TBC1D19: variants seen among roughly 807,000 people sequenced by gnomAD.
TBC1D19 encodes TBC1 domain family, member 19.
A neutral mutation model predicts 89.0 loss-of-function variants in TBC1D19; 60 were observed. The observed-to-expected ratio is 0.67, with a 90% CI of 0.55 to 0.84. The LOEUF (loss-of-function observed/expected upper bound fraction) is 0.84, where lower values mean the gene tolerates loss of function less well. TBC1D19 is among the 40% of genes least tolerant of loss of function. TBC1D19 has a pLI of 0.00. For synonymous variants in TBC1D19, 189 were observed against 199.7 expected (o/e 0.95, Z 0.45); for missense variants, 500 against 610.8 (o/e 0.82, Z 1.91).
intron 14 of TBC1D19, among the ~76,000 whole-genome samples, 200 bp downstream of exon 14, chr4:26,718,217 A>G (rs1190909136): frequency 1.3e-5 from 2 of 152,092 alleles, no homozygotes; most frequent in Non-Finnish European, 2.9e-5. Flanking sequence ...TGGTTCCCAG[A>G]AGCAGCATTT....
the TBC1D19 span, among the ~76,000 whole-genome samples, chr4:26,849,931 T>C: frequency 6.6e-6 from 1 of 152,190 alleles, no homozygotes; most frequent in Non-Finnish European, 1.5e-5. Flanking sequence ...GGATTGTACT[T>C]AGATTACTAT....
At chr4:26,610,251 C>G (rs765582871) in intron 1 of TBC1D19, among the ~76,000 whole-genome samples, 3 of 151,834 alleles carry the variant, frequency 2.0e-5, no homozygotes, top group African/African-American at 4.8e-5. Context: ...GTTATAGATA[C>G]AAATCTATAA....
At chr4:26,642,722 G>A (rs1485710245) in intron 7 of TBC1D19, among the ~76,000 whole-genome samples, 3 of 152,142 alleles carry the variant, frequency 2.0e-5, no homozygotes, top group Non-Finnish European at 4.4e-5. Context: ...TCAAAATAAA[G>A]GGATGGAGGA....
the TBC1D19 span, among the ~76,000 whole-genome samples, chr4:26,841,636 A>C: frequency 6.6e-6 from 1 of 152,186 alleles, no homozygotes; most frequent in Non-Finnish European, 1.5e-5. Context: ...GGCATATGGA[A>C]CTTCCAAGTC....
chr4:26,752,468 A>G (rs948219830), intron 19 of TBC1D19, among the ~76,000 whole-genome samples: 1 of 151,578 alleles, frequency 6.6e-6, no homozygotes, highest in African/African-American at 2.4e-5. Flanking sequence ...CTGTTCTTCA[A>G]CTCCTGGGCT....
intron 4 of TBC1D19, among the ~76,000 whole-genome samples, chr4:26,621,284 C>A (rs1483841599): frequency 6.6e-6 from 1 of 152,130 alleles, no homozygotes; most frequent in African/African-American, 2.4e-5. Flanking sequence ...TTTTAACTGT[C>A]CTTCATCTCA....
chr4:26,838,714 G>A, the TBC1D19 span, among the ~76,000 whole-genome samples: 4 of 152,156 alleles, frequency 2.6e-5, no homozygotes, highest in African/African-American at 7.2e-5. Flanking sequence ...TGATTACTTC[G>A]CAAGGATTCC....
chr4:26,647,615 T>G (rs1744065190), intron 7 of TBC1D19, among the ~76,000 whole-genome samples: 1 of 152,168 alleles, frequency 6.6e-6, no homozygotes, highest in African/African-American at 2.4e-5. Context: ...TTCTACTTAT[T>G]AAATAAAAGC....
intron 17 of TBC1D19, 111 bp downstream of exon 17, chr4:26,740,084 T>A: frequency 1.8e-6 from 1 of 563,324 alleles, no homozygotes; most frequent in Middle Eastern, 2.9e-4. Flanking sequence ...TTTTAATTTG[T>A]GATGTCAAGC....
chr4:26,834,661 C>T, the TBC1D19 span, among the ~76,000 whole-genome samples: 1 of 152,122 alleles, frequency 6.6e-6, no homozygotes, highest in East Asian at 1.9e-4. Flanking sequence ...ACTACTCACC[C>T]CCAGTCCTTC....
At chr4:26,744,485 ACTTT>A (rs1030324541) in intron 18 of TBC1D19, among the ~76,000 whole-genome samples, 5 of 149,918 alleles carry the variant, frequency 3.3e-5, no homozygotes, top group Non-Finnish European at 4.5e-5. Context: ...TTGATTTGGG[ACTTT>A]CTTTTTTTCT....
intron 9 of TBC1D19, among the ~76,000 whole-genome samples, chr4:26,671,470 C>T (rs1335947546): frequency 1.3e-5 from 2 of 151,812 alleles, no homozygotes; most frequent in East Asian, 1.9e-4. Flanking sequence ...TATTCTTCCA[C>T]TGTGTTACTT....
Position 26,637,285 on chromosome 4 carries a change from G to C in TBC1D19, c.369G>C (p.Lys123Asn). 1 of 1,606,650 alleles carries C rather than the reference G, an allele frequency of 6.2e-7. No homozygotes were observed. Among genetic ancestry groups the C allele is most frequent in the Non-Finnish European group, 8.5e-7 (1 of 1,176,358 alleles). ...CTELSIPLAR[K>N]RPVGEQKELL... ...AACTGAGTATCCCACTGGCACGAAA[G>C]GTACTTTTAAACATTTTTCTGTTTA... The change falls in exon 5 of 21, where the codon AAG becomes AAC. Residue 123 changes from lysine to asparagine, a missense_variant and splice_region_variant. This residue lies in a region of TBC1D19 where 280 missense variants were observed against 291.7 expected (regional missense o/e 0.96). Transcript: ENST00000264866.
At chr4:26,664,920 T>C (rs1711668035) in intron 8 of TBC1D19, among the ~76,000 whole-genome samples, 1 of 152,172 alleles carries the variant, frequency 6.6e-6, no homozygotes, top group Non-Finnish European at 1.5e-5. Flanking sequence ...CCTTCCCAGC[T>C]AGGCTTAGGA....
At chr4:26,585,321 A>G in intron 1 of TBC1D19, 1 of 267,590 alleles carries the variant, frequency 3.7e-6, no homozygotes. Flanking sequence ...CCAGTCTTTT[A>G]TTTATTTTTA....
chr4:26,749,448 G>GTGT (rs1553916769), intron 19 of TBC1D19, among the ~76,000 whole-genome samples: 16 of 107,144 alleles, frequency 1.5e-4, no homozygotes, highest in Admixed American at 4.7e-4. Flanking sequence ...TATTCGGGTT[G>GTGT]TTTTTTTTTT....
chr4:26,739,871 A>C lies in TBC1D19; in HGVS notation c.1125A>C (p.Pro375=). Residue 375 remains proline, a synonymous_variant, in exon 17 of 21, where the codon CCA becomes CCC. Coordinates refer to ENST00000264866, the MANE Select transcript of TBC1D19 (RefSeq NM_018317.4). ...PFHGFSMYVA[P]LCFLYHEPSK... ...TTAATTTTTTTCTTTCAGTTGCACC[A>C]CTTTGTTTTCTATACCATGAACCTT... is the stretch of plus-strand genomic sequence containing the variant. 1 of 1,561,752 alleles carries C rather than the reference A, an allele frequency of 6.4e-7. No homozygotes were observed. Among genetic ancestry groups the C allele is most frequent in the Non-Finnish European group, 8.6e-7 (1 of 1,157,416 alleles).
chr4:26,659,221 T>A (rs558178288), intron 7 of TBC1D19, among the ~76,000 whole-genome samples: 25 of 152,288 alleles, frequency 1.6e-4, no homozygotes, highest in African/African-American at 5.8e-4. Context: ...GATTCTAAAA[T>A]TTTTCCTGAT....
At chr4:26,705,597 C>A (rs1715676648) in intron 13 of TBC1D19, among the ~76,000 whole-genome samples, 1 of 152,116 alleles carries the variant, frequency 6.6e-6, no homozygotes, top group African/African-American at 2.4e-5. Flanking sequence ...TGTTGTAAAT[C>A]ATTTGACCGT....
Sources: allele counts gnomAD v4.1 joint callset (sites outside exome capture counted in the v4.1 genomes callset), GRCh38; gene constraint gnomAD v4.1.1; regional missense constraint gnomAD v4.1.1; transcripts MANE v1.5; gene names NCBI Gene and HGNC (gene_info 2026-07-23, HGNC 2026-07-21).